ARL15: variants seen among roughly 807,000 people sequenced by gnomAD.
ARL15 encodes the protein ADP-ribosylation factor-like protein 15.
In ARL15, 19 loss-of-function variants were observed where a neutral mutation model predicts 25.2. The observed-to-expected ratio is 0.75, with a 90% confidence interval of 0.53 to 1.10. ARL15 has a LOEUF of 1.10. Ranked by LOEUF, ARL15 falls within the 50% of genes least tolerant of loss-of-function variation. ARL15 has a pLI of 0.00. For missense variants in ARL15, 220 were observed against 246.0 expected (o/e 0.89, Z 0.71); for synonymous variants, 94 against 86.8 (o/e 1.08, Z -0.46).
At chr5:54,140,959 C>A (rs1460783714) in intron 3 of ARL15, among the ~76,000 whole-genome samples, 1 of 152,096 alleles carries the variant, frequency 6.6e-6, no homozygotes, top group Non-Finnish European at 1.5e-5. Context: ...TTTTCCCCAA[C>A]CTGCTCCTTT....
At chr5:54,097,886 C>T (rs62370401) in intron 4 of ARL15, among the ~76,000 whole-genome samples, 1,791 of 152,224 alleles carry the variant, frequency 0.012, 50 homozygotes, top group Admixed American at 0.06. Context: ...TGTGCAGGGA[C>T]AAATTTAAGA....
At chr5:54,223,094 G>C (rs1218539868) in intron 1 of ARL15, among the ~76,000 whole-genome samples, 2 of 149,752 alleles carry the variant, frequency 1.3e-5, no homozygotes, top group African/African-American at 4.9e-5. Flanking sequence ...CAAGTTACTT[G>C]ATAGTCAAAC....
chr5:54,263,905 TA>T (rs1367160913), intron 1 of ARL15, among the ~76,000 whole-genome samples: 3 of 152,108 alleles, frequency 2.0e-5, no homozygotes, highest in African/African-American at 7.2e-5. Flanking sequence ...CTGTCTCAGT[TA>T]AAAGCATTAC....
At chr5:53,975,999 C>T (rs1747909095) in intron 4 of ARL15, among the ~76,000 whole-genome samples, 1 of 152,188 alleles carries the variant, frequency 6.6e-6, no homozygotes, top group South Asian at 2.1e-4. Flanking sequence ...TTCGCACATC[C>T]TGGATTTAGC....
rs201580432 is a variant in ARL15, at chr5:54,023,298, C to G, written c.462+89904G>C. 9.1e-4 allele frequency among the ~76,000 whole-genome samples: 18 copies of G among 19,726 alleles called. No homozygotes were observed. The South Asian group carries it at 0.021, about 23-fold the overall frequency. 12.9% of individuals were successfully genotyped at this position (19,726 alleles called of 152,430 possible). A position where few individuals can be genotyped will look rare whatever the true frequency, so the allele number is the denominator to read the frequency against. On this transcript the variant is annotated intron_variant, in intron 4 of 4. Coordinates refer to ENST00000504924, the MANE Select transcript of ARL15 (RefSeq NM_019087.3). Reference sequence around the variant, plus strand: ...ACGACACTAAAAATCTAAACAGACACATTTAAAAATATTACAGATATATGG... The same window carrying G: ...ACGACACTAAAAATCTAAACAGACAGATTTAAAAATATTACAGATATATGG...
chr5:53,979,829 TTGTGTGTGTGTGTGTGTGTGTG>T (rs70986653), intron 4 of ARL15, among the ~76,000 whole-genome samples: 11,153 of 143,164 alleles, frequency 0.078, 640 homozygotes, highest in African/African-American at 0.17. Flanking sequence ...TTAAAGTCTT[TTGTGTGTGTGTGTGTGTGTGTG>T]TGTGTGTGTG....
chr5:53,938,068 T>C (rs918744735), intron 4 of ARL15, among the ~76,000 whole-genome samples: 1 of 152,190 alleles, frequency 6.6e-6, no homozygotes, highest in African/African-American at 2.4e-5. Flanking sequence ...TAGTTTTCTC[T>C]TGATCCAGAG....
intron 4 of ARL15, among the ~76,000 whole-genome samples, chr5:54,090,097 A>G (rs932499354): frequency 4.1e-4 from 63 of 152,334 alleles, no homozygotes; most frequent in Non-Finnish European, 5.0e-4. Flanking sequence ...ATGGTTGTAC[A>G]TATACAAATG....
intron 4 of ARL15, among the ~76,000 whole-genome samples, chr5:54,036,883 T>C (rs1485825032): frequency 6.6e-6 from 1 of 152,136 alleles, no homozygotes; most frequent in Non-Finnish European, 1.5e-5. Flanking sequence ...TTTTAGCACA[T>C]CTTAATAAAT....
chr5:54,037,449 AATCATT>A (rs1750204470), intron 4 of ARL15, among the ~76,000 whole-genome samples: 1 of 152,130 alleles, frequency 6.6e-6, no homozygotes, highest in African/African-American at 2.4e-5. Context: ...GTAAGAAAGT[AATCATT>A]TATTTTTTAT....
Position 54,114,243 on chromosome 5 carries a change from C to CA in ARL15, c.254-834dup, listed in dbSNP as rs559018465. On this transcript the variant is annotated intron_variant, in intron 3 of 4. Coordinates refer to ENST00000504924, the MANE Select transcript of ARL15 (RefSeq NM_019087.3). ...TGAAACCCCATCTCTACTAAAAATACAAAAATTAGCCGGGCGTGGCGGCGG... is the reference window on the plus strand; with the variant it reads ...TGAAACCCCATCTCTACTAAAAATACAAAAAATTAGCCGGGCGTGGCGGCGG... Among the ~76,000 whole-genome samples the CA allele has an allele frequency of 1.6e-3, 242 of 151,516 alleles. 2 individuals are homozygous for CA. The highest frequency in any genetic ancestry group is 8.0e-3 in the Admixed American group (121 of 15,206).
At chr5:53,912,367 A>C (rs1355052219) in intron 4 of ARL15, among the ~76,000 whole-genome samples, 1 of 152,162 alleles carries the variant, frequency 6.6e-6, no homozygotes, top group Non-Finnish European at 1.5e-5. Context: ...AGTACTAACA[A>C]CAAAAAAACG....
chr5:54,140,780 T>C (rs747623443), intron 3 of ARL15, among the ~76,000 whole-genome samples: 3 of 152,186 alleles, frequency 2.0e-5, no homozygotes, highest in Non-Finnish European at 4.4e-5. Flanking sequence ...GTAAGACTTA[T>C]AGAAGATCAG....
intron 3 of ARL15, among the ~76,000 whole-genome samples, chr5:54,144,374 T>C (rs1219364427): frequency 1.3e-5 from 2 of 152,148 alleles, no homozygotes; most frequent in Non-Finnish European, 2.9e-5. Context: ...TGTATGTCAT[T>C]CTGAAAAAGA....
At chr5:53,973,219 T>C (rs1173734130) in intron 4 of ARL15, among the ~76,000 whole-genome samples, 1 of 135,896 alleles carries the variant, frequency 7.4e-6, no homozygotes, top group Non-Finnish European at 1.7e-5. Context: ...ATTTAAAGTT[T>C]TTTAACGTCA....
At chr5:54,171,081 G>C (rs1240719659) in intron 2 of ARL15, among the ~76,000 whole-genome samples, 1 of 152,128 alleles carries the variant, frequency 6.6e-6, no homozygotes, top group Non-Finnish European at 1.5e-5. Flanking sequence ...AAAAACCCTA[G>C]CCAGGATTTC....
chr5:54,196,319 T>C (rs1407361981), intron 1 of ARL15, among the ~76,000 whole-genome samples: 2 of 152,086 alleles, frequency 1.3e-5, no homozygotes, highest in East Asian at 3.9e-4. Context: ...TTTTCCACTA[T>C]TTAGAAGTTG....
chr5:54,277,735 G>A lies in ARL15; in HGVS notation c.48+32697C>T, dbSNP rs368698591. On this transcript the variant is annotated intron_variant, in intron 1 of 4. Coordinates refer to ENST00000504924, the MANE Select transcript of ARL15 (RefSeq NM_019087.3). ...CCACTGCACTCCAGGCTGGGTGACA[G>A]AGTGAGACTTCGTCTCAAAAAAAAA... is the stretch of plus-strand genomic sequence containing the variant. Among the ~76,000 whole-genome samples, 6 of 152,168 alleles carry A rather than the reference G, an allele frequency of 3.9e-5. No homozygotes were observed. In the East Asian group the frequency reaches 1.2e-3, roughly 29 times the overall value.
chr5:53,902,480 G>T (rs1392448203), intron 4 of ARL15, among the ~76,000 whole-genome samples: 1 of 152,180 alleles, frequency 6.6e-6, no homozygotes, highest in African/African-American at 2.4e-5. Flanking sequence ...TTTTGTAATG[G>T]AATATATGTC....
Sources: gnomAD v4.1 joint callset for allele counts (sites outside exome capture counted in the v4.1 genomes callset) on GRCh38, gnomAD v4.1.1 for gene constraint, MANE v1.5 for transcripts, NCBI Gene and HGNC (gene_info 2026-07-23, HGNC 2026-07-21) for gene names.